Variants in HS2ST1 observed in about 807,000 individuals in gnomAD.
HS2ST1 encodes heparan sulfate 2-O-sulfotransferase 1.
A neutral mutation model predicts 42.9 loss-of-function variants in HS2ST1; 18 were observed. That is an observed-to-expected ratio of 0.42 (90% confidence interval 0.29 to 0.62). The LOEUF (loss-of-function observed/expected upper bound fraction) is 0.62. Among genes scored for constraint, HS2ST1 ranks in the 20% least tolerant of loss-of-function variants. HS2ST1 has a pLI of 0.21. For missense variants in HS2ST1, 334 were observed against 433.8 expected (o/e 0.77, Z 2.04); for synonymous variants, 146 against 152.9 (o/e 0.95, Z 0.33).
chr1:87,012,361 T>C (rs888243815), intron 1 of HS2ST1, among the ~76,000 whole-genome samples: 2 of 152,066 alleles, frequency 1.3e-5, no homozygotes, highest in Non-Finnish European at 2.9e-5. Flanking sequence ...ACGTCTTACA[T>C]GGTAGCAAGC....
intron 1 of HS2ST1, among the ~76,000 whole-genome samples, chr1:86,968,572 T>C (rs959306857): frequency 6.6e-6 from 1 of 151,834 alleles, no homozygotes; most frequent in Non-Finnish European, 1.5e-5. Flanking sequence ...GCCCAGCTGT[T>C]TTTTTGACTT....
At chr1:86,960,309 G>A (rs1311556481) in intron 1 of HS2ST1, among the ~76,000 whole-genome samples, 2 of 149,818 alleles carry the variant, frequency 1.3e-5, no homozygotes, top group Non-Finnish European at 3.0e-5. Flanking sequence ...AGCCTTTAAT[G>A]TTAAGCACAA....
intron 1 of HS2ST1, among the ~76,000 whole-genome samples, chr1:87,021,930 C>T (rs1446076043): frequency 1.3e-5 from 2 of 152,106 alleles, no homozygotes; most frequent in African/African-American, 4.8e-5. Context: ...AAATTATTTC[C>T]TACTTCTTAT....
intron 1 of HS2ST1, among the ~76,000 whole-genome samples, chr1:86,943,805 T>C (rs900078654): frequency 6.6e-5 from 10 of 151,686 alleles, no homozygotes; most frequent in Middle Eastern, 3.4e-3. Flanking sequence ...GCAGGTGGAT[T>C]ACCTGAGATC....
At chr1:87,091,769 A>G (rs1377723734) in intron 3 of HS2ST1, among the ~76,000 whole-genome samples, 1 of 152,086 alleles carries the variant, frequency 6.6e-6, no homozygotes, top group African/African-American at 2.4e-5. Context: ...AGACTGGGAC[A>G]AGGGTGTATA....
rs150775849 is a variant in HS2ST1, at chr1:86,922,419, TTGTGTG to T, written c.124+7281_124+7286del. 4.9e-4 allele frequency among the ~76,000 whole-genome samples: 73 copies of T among 147,842 alleles called. No individual in the cohort carries two copies. In the East Asian group the frequency reaches 8.6e-3, roughly 17 times the overall value. On this transcript the variant is annotated intron_variant, in intron 1 of 6. Coordinates refer to ENST00000370550, the MANE Select transcript of HS2ST1 (RefSeq NM_012262.4). Reference sequence around the variant, plus strand: ...TTTACCATTCCCAGTGTTCTTCATTTTGTGTGTGTGTGTGTGTGTGTGTGTGTATGC... The same window carrying T: ...TTTACCATTCCCAGTGTTCTTCATTTTGTGTGTGTGTGTGTGTGTGTATGC...
chr1:86,983,771 G>A (rs374940760), intron 1 of HS2ST1, among the ~76,000 whole-genome samples: 16 of 152,114 alleles, frequency 1.1e-4, no homozygotes, highest in East Asian at 3.9e-4. Flanking sequence ...GGCAAGGCAC[G>A]GTGGCTCACG....
At chr1:87,098,518 A>T in intron 5 of HS2ST1, 1 of 317,998 alleles carries the variant, frequency 3.1e-6, no homozygotes, top group Non-Finnish European at 4.6e-6. Context: ...TAATAGGAGA[A>T]GTAGGAGAAA....
At chr1:86,956,742 A>C (rs1032485876) in intron 1 of HS2ST1, among the ~76,000 whole-genome samples, 3 of 152,158 alleles carry the variant, frequency 2.0e-5, no homozygotes, top group African/African-American at 7.2e-5. Flanking sequence ...TTTCACCAGA[A>C]AAAATATATT....
At chr1:87,012,910 CT>C (rs956491455) in intron 1 of HS2ST1, among the ~76,000 whole-genome samples, 1 of 152,212 alleles carries the variant, frequency 6.6e-6, no homozygotes, top group African/African-American at 2.4e-5. Context: ...CCAAAATGAT[CT>C]TTTTTGACTC....
chr1:87,024,504 G>GAAA (rs375286763), intron 1 of HS2ST1, among the ~76,000 whole-genome samples: 5 of 107,268 alleles, frequency 4.7e-5, no homozygotes, highest in Admixed American at 2.0e-4. Flanking sequence ...CCGTCTCAAA[G>GAAA]AAAAAAAAAA....
rs749838694 is a variant in HS2ST1, at chr1:86,915,083, C to T, written c.47C>T (p.Ala16Val). 22 of 1,614,108 alleles carry T rather than the reference C, an allele frequency of 1.4e-5. No homozygotes were observed. Among genetic ancestry groups the T allele is most frequent in the Non-Finnish European group, 1.7e-5 (20 of 1,180,002 alleles). Residue 16 changes from alanine to valine, a missense_variant, in exon 1 of 7, where the codon GCG becomes GTG. Physicochemically the swap from Ala to Val is moderately conservative, Grantham distance 64 (BLOSUM62 0). Coordinates refer to ENST00000370550, the MANE Select transcript of HS2ST1 (RefSeq NM_012262.4). Reference sequence around the variant, plus strand: ...ATGCCGCCCAAGTTGCAGCTGCTGGCGGTGGTGGCCTTCGCGGTGGCGATG... The same window carrying T: ...ATGCCGCCCAAGTTGCAGCTGCTGGTGGTGGTGGCCTTCGCGGTGGCGATG... ...IMMPPKLQLL[A>V]VVAFAVAMLF...
At chr1:86,916,982 A>C (rs931214193) in intron 1 of HS2ST1, among the ~76,000 whole-genome samples, 1 of 152,188 alleles carries the variant, frequency 6.6e-6, no homozygotes, top group Non-Finnish European at 1.5e-5. Flanking sequence ...TTTAAAAGAA[A>C]GTTATCTGAA....
chr1:87,104,190 G>A (rs903410060), intron 6 of HS2ST1, among the ~76,000 whole-genome samples: 2 of 152,122 alleles, frequency 1.3e-5, no homozygotes, highest in African/African-American at 4.8e-5. Context: ...TGAGAATATA[G>A]TGTGTGAGGT....
At chr1:86,967,191 C>T (rs550288975) in intron 1 of HS2ST1, among the ~76,000 whole-genome samples, 6 of 152,214 alleles carry the variant, frequency 3.9e-5, no homozygotes, top group South Asian at 2.1e-4. Context: ...CCACCATGCC[C>T]GGCTTATTTA....
chr1:86,936,434 T>C (rs964316095), intron 1 of HS2ST1, among the ~76,000 whole-genome samples: 1 of 152,206 alleles, frequency 6.6e-6, no homozygotes, highest in Admixed American at 6.5e-5. Flanking sequence ...ACTGTGTACA[T>C]TATTAGTTGA....
At chr1:87,048,496 T>C (rs1262336938) in intron 1 of HS2ST1, among the ~76,000 whole-genome samples, 1 of 152,208 alleles carries the variant, frequency 6.6e-6, no homozygotes, top group Non-Finnish European at 1.5e-5. Context: ...ATCCAGTCTG[T>C]CTTTCAGTAA....
chr1:86,938,999 A>G lies in HS2ST1; in HGVS notation c.124+23839A>G, dbSNP rs142157808. On this transcript the variant is annotated intron_variant, in intron 1 of 6. Coordinates refer to ENST00000370550, the MANE Select transcript of HS2ST1 (RefSeq NM_012262.4). ...AATACTAATTAGTACTTGAACATAT[A>G]TAAAGCTCAAGTGTTGTTTTTTTTA... 1.1e-4 allele frequency among the ~76,000 whole-genome samples: 16 copies of G among 152,362 alleles called. No homozygotes were observed. The East Asian group carries it at 1.9e-3, about 18-fold the overall frequency.
intron 1 of HS2ST1, among the ~76,000 whole-genome samples, chr1:86,947,976 C>T (rs1232448321): frequency 6.6e-6 from 1 of 151,994 alleles, no homozygotes; most frequent in Non-Finnish European, 1.5e-5. Context: ...CTGATATTAA[C>T]CTATTTTTAA....
Sources: gnomAD v4.1 joint callset for allele counts (sites outside exome capture counted in the v4.1 genomes callset) on GRCh38, gnomAD v4.1.1 for gene constraint, MANE v1.5 for transcripts, NCBI Gene and HGNC (gene_info 2026-07-23, HGNC 2026-07-21) for gene names.